Variants in ZNF529 observed in about 807,000 individuals in gnomAD.
ZNF529 encodes the protein zinc finger protein 529.
In ZNF529, 11 loss-of-function variants were observed where a neutral mutation model predicts 10.1. The observed-to-expected ratio is 1.09, with a 90% CI of 0.69 to 1.81. The LOEUF is 1.81. ZNF529 is among the 40% of genes most tolerant of loss of function. The pLI is 0.00. For missense variants in ZNF529, 624 were observed against 666.8 expected, an observed-to-expected ratio of 0.94 and a Z score of 0.71; for synonymous variants, 204 against 215.7, an observed-to-expected ratio of 0.95 and a Z score of 0.47.
intron 4 of ZNF529, among the ~76,000 whole-genome samples, chr19:36,554,116 T>G (rs1016134235): frequency 6.6e-6 from 1 of 152,210 alleles, no homozygotes; most frequent in African/African-American, 2.4e-5. Flanking sequence ...ATGCTATATG[T>G]GTCCCATAAG....
Position 36,572,372 on chromosome 19 carries a change from A to C in ZNF529, c.-26T>G, listed in dbSNP as rs1019711170. 5 of 1,551,322 alleles carry C rather than the reference A, an allele frequency of 3.2e-6. No individual in the cohort carries two copies. The highest frequency in any genetic ancestry group is 1.4e-5 in the African/African-American group (1 of 73,028). On this transcript the variant is annotated 5_prime_UTR_variant, in exon 2 of 5. Transcript: ENST00000591340. ...TAGTACCAATGCTGTCTTCCACTTC[A>C]GGGGGCCTTCACTTGCAGAACTACA...
chr19:36,603,275 A>G (rs938047386), intron 1 of ZNF529, among the ~76,000 whole-genome samples: 4 of 152,204 alleles, frequency 2.6e-5, no homozygotes, highest in Non-Finnish European at 2.9e-5. Flanking sequence ...GCTTAAACAA[A>G]AAGAGCACAC....
exon 2 of ZNF529, chr19:36,589,674 T>G (rs995554285): frequency 6.6e-6 from 1 of 152,046 alleles, no homozygotes; most frequent in Non-Finnish European, 1.5e-5. Flanking sequence ...AGTCCTGGTG[T>G]TGATTTTTAA....
intron 2 of ZNF529, among the ~76,000 whole-genome samples, chr19:36,588,610 G>C (rs536963136): frequency 6.6e-6 from 1 of 152,232 alleles, no homozygotes; most frequent in East Asian, 1.9e-4. Context: ...CCCCAGCACT[G>C]TGAAAATCAG....
Position 36,556,144 on chromosome 19 carries a change from T to G in ZNF529, c.68A>C (p.Glu23Ala). The stretch of plus-strand genomic sequence containing the variant: ...AACTGTAAAGAATTGGTCAGGGAAT[T>G]CCACTTCTGGCATGACAGCATGAGG... The part of the protein sequence containing the change: ...GAPHAVMPEV[E>A]FPDQFFTVLT... The change falls in exon 3 of 5, where the codon GAA (glutamate) becomes GCA (alanine). Residue 23 changes from glutamate to alanine, a missense_variant. Glu to Ala is a moderately radical substitution (Grantham distance 107). Coordinates refer to ENST00000591340, the MANE Select transcript of ZNF529 (RefSeq NM_020951.5). The G allele has an allele frequency of 1.3e-6, 2 of 1,540,160 alleles. No homozygotes were observed. The highest frequency in any genetic ancestry group is 1.8e-6 in the Non-Finnish European group (2 of 1,136,526).
chr19:36,551,243 A>T (rs1381967304), intron 4 of ZNF529, among the ~76,000 whole-genome samples: 3 of 152,190 alleles, frequency 2.0e-5, no homozygotes, highest in Non-Finnish European at 4.4e-5. Context: ...ACTAAACAAA[A>T]CCAGAAAAAT....
At chr19:36,561,455 T>G (rs2035693246) in intron 2 of ZNF529, among the ~76,000 whole-genome samples, 1 of 151,456 alleles carries the variant, frequency 6.6e-6, no homozygotes, top group Non-Finnish European at 1.5e-5. Context: ...CGATCTTGGC[T>G]CACTGCAACC....
At chr19:36,562,471 A>AG (rs1189308027) in intron 2 of ZNF529, among the ~76,000 whole-genome samples, 12 of 148,866 alleles carry the variant, frequency 8.1e-5, no homozygotes, top group Admixed American at 3.3e-4. Flanking sequence ...ACATGAATAT[A>AG]GGGGGGGTCC....
chr19:36,552,916 A>T (rs2035318017), intron 4 of ZNF529, among the ~76,000 whole-genome samples: 1 of 152,218 alleles, frequency 6.6e-6, no homozygotes, highest in Admixed American at 6.5e-5. Context: ...ATGTTATTTA[A>T]ACCCATACTA....
chr19:36,552,523 G>C (rs1289283050), intron 4 of ZNF529, among the ~76,000 whole-genome samples: 1 of 152,136 alleles, frequency 6.6e-6, no homozygotes, highest in African/African-American at 2.4e-5. Flanking sequence ...AATCACAGGG[G>C]CTAATCTCCC....
rs1432332648 is a variant in ZNF529, at chr19:36,547,767, T to C, written c.791A>G (p.Glu264Gly). 6.2e-7 allele frequency: 1 copy of C among 1,613,166 alleles called. No individual in the cohort carries two copies. Among genetic ancestry groups the C allele is most frequent in the Non-Finnish European group, 8.5e-7 (1 of 1,179,606 alleles). Residue 264 changes from glutamate (E) to glycine (G), a missense_variant, in exon 5 of 5, where the codon GAA becomes GGA. Glu to Gly is a moderately conservative substitution (Grantham distance 98, BLOSUM62 -2). Transcript: ENST00000591340. ...YKCKEYRRTF[E>G]RVGKVTPLQR... ...AAGTGGAGTAACTTTTCCAACTCTTTCAAAGGTCCTTCTGTATTCCTTACA... is the reference window on the plus strand; with the variant it reads ...AAGTGGAGTAACTTTTCCAACTCTTCCAAAGGTCCTTCTGTATTCCTTACA...
intron 1 of ZNF529, among the ~76,000 whole-genome samples, chr19:36,603,090 C>A (rs1181478118): frequency 6.6e-6 from 1 of 152,142 alleles, no homozygotes; most frequent in Non-Finnish European, 1.5e-5. Flanking sequence ...CTCCTAAGGT[C>A]CTCTAAAACA....
intron 2 of ZNF529, among the ~76,000 whole-genome samples, chr19:36,560,726 A>G (rs1290950204): frequency 6.6e-6 from 1 of 152,196 alleles, no homozygotes; most frequent in Non-Finnish European, 1.5e-5. Context: ...ATAGGAGTAA[A>G]TTTCTCTATC....
intron 4 of ZNF529, among the ~76,000 whole-genome samples, chr19:36,550,665 G>A (rs1435379246): frequency 1.3e-5 from 2 of 152,076 alleles, no homozygotes; most frequent in African/African-American, 4.8e-5. Context: ...TCTATGGAAC[G>A]CAAATACATT....
At chr19:36,593,438 G>C (rs1346856862) in intron 1 of ZNF529, among the ~76,000 whole-genome samples, 3 of 152,122 alleles carry the variant, frequency 2.0e-5, no homozygotes, top group Non-Finnish European at 4.4e-5. Context: ...CAAAGTGCTG[G>C]GATTACAGGC....
intron 2 of ZNF529, among the ~76,000 whole-genome samples, chr19:36,579,683 T>C (rs1003218759): frequency 6.6e-6 from 1 of 152,148 alleles, no homozygotes; most frequent in African/African-American, 2.4e-5. Flanking sequence ...TATTAAAAAA[T>C]GGCACACCGG....
chr19:36,565,399 C>T (rs1343259238), intron 2 of ZNF529, among the ~76,000 whole-genome samples: 1 of 152,046 alleles, frequency 6.6e-6, no homozygotes, highest in African/African-American at 2.4e-5. Flanking sequence ...TAACTCAAAG[C>T]CATATACAAA....
chr19:36,578,613 ATTTTTT>A (rs141973505), intron 2 of ZNF529, among the ~76,000 whole-genome samples: 1 of 133,650 alleles, frequency 7.5e-6, no homozygotes, highest in Non-Finnish European at 1.6e-5. Context: ...CTGGGGGAGA[ATTTTTT>A]TTTTTTTGAG....
intron 1 of ZNF529, among the ~76,000 whole-genome samples, chr19:36,598,447 G>A (rs1441189860): frequency 6.6e-6 from 1 of 151,906 alleles, no homozygotes; most frequent in Non-Finnish European, 1.5e-5. Flanking sequence ...AGGAGTTTGA[G>A]GCTACAGTGT....
Sources: allele counts gnomAD v4.1 joint callset (sites outside exome capture counted in the v4.1 genomes callset), GRCh38; gene constraint gnomAD v4.1.1; transcripts MANE v1.5; gene names NCBI Gene and HGNC (gene_info 2026-07-23, HGNC 2026-07-21).